SCMH1: variants seen among roughly 807,000 people sequenced by gnomAD.
SCMH1 encodes Scm polycomb group protein homolog 1.
A neutral mutation model predicts 70.8 loss-of-function variants in SCMH1; 37 were observed. The observed-to-expected ratio is 0.52, with a 90% CI of 0.40 to 0.69. The LOEUF is 0.69. Ranked by LOEUF, SCMH1 falls within the 30% of genes least tolerant of loss-of-function variation. SCMH1 has a pLI of 0.00. For missense variants in SCMH1, 607 were observed against 827.3 expected (o/e 0.73, Z 3.27); for synonymous variants, 292 against 307.4 (o/e 0.95, Z 0.52).
intron 1 of SCMH1, among the ~76,000 whole-genome samples, chr1:41,219,067 A>G (rs929038555): frequency 6.6e-6 from 1 of 152,220 alleles, no homozygotes; most frequent in African/African-American, 2.4e-5. Flanking sequence ...AGGGGCCTGA[A>G]CATTGAGTTA....
At chr1:41,157,922 A>G (rs1645689288) in intron 4 of SCMH1, among the ~76,000 whole-genome samples, 1 of 152,214 alleles carries the variant, frequency 6.6e-6, no homozygotes, top group Admixed American at 6.5e-5. Flanking sequence ...ACTGTTTAAC[A>G]CAGTGCCTGA....
At chr1:41,061,193 C>T (rs1652503937) in intron 10 of SCMH1, among the ~76,000 whole-genome samples, 1 of 152,154 alleles carries the variant, frequency 6.6e-6, no homozygotes, top group African/African-American at 2.4e-5. Context: ...TTCCCCAAAA[C>T]TAAACTGTCT....
At chr1:41,095,159 A>G (rs376242778) in intron 8 of SCMH1, among the ~76,000 whole-genome samples, 29 of 152,338 alleles carry the variant, frequency 1.9e-4, no homozygotes, top group African/African-American at 6.5e-4. Context: ...TCTTACAATT[A>G]TGCTTTACAC....
intron 8 of SCMH1, among the ~76,000 whole-genome samples, chr1:41,076,417 A>G (rs2148913057): frequency 6.6e-6 from 1 of 152,330 alleles, no homozygotes; most frequent in East Asian, 1.9e-4. Context: ...CATCCTACAA[A>G]TAGTGAGAAC....
chr1:41,171,159 T>C (rs917447525), intron 2 of SCMH1, among the ~76,000 whole-genome samples: 17 of 152,144 alleles, frequency 1.1e-4, no homozygotes, highest in Admixed American at 4.6e-4. Flanking sequence ...GAGATCAACA[T>C]TGAGCCCCTG....
At chr1:41,081,758 T>C (rs1660093162) in intron 8 of SCMH1, among the ~76,000 whole-genome samples, 1 of 151,952 alleles carries the variant, frequency 6.6e-6, no homozygotes, top group Non-Finnish European at 1.5e-5. Flanking sequence ...AAGTCATGGC[T>C]GCACTGAACC....
chr1:41,060,239 T>C (rs1558533446), intron 10 of SCMH1, among the ~76,000 whole-genome samples: 1 of 152,056 alleles, frequency 6.6e-6, no homozygotes, highest in Non-Finnish European at 1.5e-5. Flanking sequence ...CCTAGGCATA[T>C]CATTTTCAAA....
chr1:41,192,589 C>T (rs925942343), intron 1 of SCMH1, among the ~76,000 whole-genome samples: 1 of 151,790 alleles, frequency 6.6e-6, no homozygotes, highest in African/African-American at 2.4e-5. Context: ...TTGCTGCTTC[C>T]TTTTCCTTCA....
At chr1:41,179,546 T>G (rs1246295510) in intron 2 of SCMH1, among the ~76,000 whole-genome samples, 1 of 152,162 alleles carries the variant, frequency 6.6e-6, no homozygotes, top group Non-Finnish European at 1.5e-5. Flanking sequence ...CCACCAATCC[T>G]GCAGAAACAC....
intron 6 of SCMH1, among the ~76,000 whole-genome samples, chr1:41,121,356 A>T (rs1021101518): frequency 6.6e-6 from 1 of 152,254 alleles, no homozygotes; most frequent in South Asian, 2.1e-4. Flanking sequence ...CAGAGCTTTC[A>T]TAACTAATCA....
chr1:41,032,964 G>C (rs1399147409), intron 13 of SCMH1, among the ~76,000 whole-genome samples: 1 of 147,232 alleles, frequency 6.8e-6, no homozygotes, highest in East Asian at 2.0e-4. Context: ...GGGCGACAGA[G>C]TGAGACTCTG....
At chr1:41,124,367 G>A (rs1188184849) in intron 6 of SCMH1, among the ~76,000 whole-genome samples, 1 of 152,068 alleles carries the variant, frequency 6.6e-6, no homozygotes, top group Non-Finnish European at 1.5e-5. Flanking sequence ...CTTTAAAACT[G>A]TTGATTTTTA....
At chr1:41,107,431 C>T (rs1668225226) in intron 8 of SCMH1, among the ~76,000 whole-genome samples, 2 of 151,876 alleles carry the variant, frequency 1.3e-5, no homozygotes, top group Non-Finnish European at 2.9e-5. Flanking sequence ...ATCAGTCTAT[C>T]AGGTGACCTC....
At chr1:41,241,792 G>C (rs953570886) in intron 1 of SCMH1, among the ~76,000 whole-genome samples, 1 of 151,854 alleles carries the variant, frequency 6.6e-6, no homozygotes, top group African/African-American at 2.4e-5. Context: ...GGCGGCGTCA[G>C]GGCCGCGACC....
intron 6 of SCMH1, among the ~76,000 whole-genome samples, chr1:41,137,196 G>A (rs79026319): frequency 0.013 from 1,956 of 151,536 alleles, 40 homozygotes; most frequent in African/African-American, 0.045. Flanking sequence ...TCTTTGAGTT[G>A]GGAATTTAAA....
chr1:41,047,217 G>C (rs1646972818), intron 11 of SCMH1, among the ~76,000 whole-genome samples: 3 of 152,114 alleles, frequency 2.0e-5, no homozygotes, highest in African/African-American at 7.2e-5. Flanking sequence ...TCATTCTCAA[G>C]AACCAGTTTT....
chr1:41,106,267 G>T (rs1342306350), intron 8 of SCMH1, among the ~76,000 whole-genome samples: 1 of 151,698 alleles, frequency 6.6e-6, no homozygotes, highest in African/African-American at 2.4e-5. Flanking sequence ...CTGGTGGGAG[G>T]TGTTTGGGTC....
chr1:41,077,358 C>A (rs1658614773), intron 8 of SCMH1, among the ~76,000 whole-genome samples: 1 of 152,132 alleles, frequency 6.6e-6, no homozygotes, highest in Non-Finnish European at 1.5e-5. Context: ...GGAGCCCCTG[C>A]ATGTGGCCAG....
At chr1:41,152,693 T>C (rs753919238) in intron 4 of SCMH1, 42 of 1,613,990 alleles carry the variant, frequency 2.6e-5, no homozygotes, top group Non-Finnish European at 3.5e-5. Flanking sequence ...GTTTCCTCTG[T>C]AGTGGAGCAG....
Sources: allele counts gnomAD v4.1 joint callset (sites outside exome capture counted in the v4.1 genomes callset), GRCh38; gene constraint gnomAD v4.1.1; transcripts MANE v1.5; gene names NCBI Gene and HGNC (gene_info 2026-07-23, HGNC 2026-07-21).